ATAD1: variants seen among roughly 807,000 people sequenced by gnomAD.
ATAD1 encodes outer mitochondrial transmembrane helix translocase.
In ATAD1, 18 loss-of-function variants were observed where a neutral mutation model predicts 42.7. That is an observed-to-expected ratio of 0.42 (90% CI 0.29 to 0.63). The LOEUF is 0.63. ATAD1 is among the 20% of genes least tolerant of loss of function. ATAD1 has a pLI of 0.19. For synonymous variants in ATAD1, 132 were observed against 143.1 expected (o/e 0.92, Z 0.55); for missense variants, 294 against 440.4 (o/e 0.67, Z 2.98).
chr10:87,778,050 T>G (rs563916701), intron 5 of ATAD1, among the ~76,000 whole-genome samples: 24 of 151,980 alleles, frequency 1.6e-4, no homozygotes, highest in African/African-American at 4.8e-5. Flanking sequence ...CTTCACTAAG[T>G]GGTTTTGGCA....
chr10:87,839,087 T>G (rs1340657884), intron 1 of ATAD1, among the ~76,000 whole-genome samples: 1 of 152,204 alleles, frequency 6.6e-6, no homozygotes, highest in South Asian at 2.1e-4. Context: ...TAGCTGAATT[T>G]CTAGACAGAA....
chr10:87,817,954 C>A (rs1251706078), intron 1 of ATAD1: 21 of 985,496 alleles, frequency 2.1e-5, no homozygotes, highest in Non-Finnish European at 2.4e-5. Flanking sequence ...CCAGGCCGGG[C>A]CGGACGCCAA....
chr10:87,825,091 TA>T (rs1857700757), intron 1 of ATAD1, among the ~76,000 whole-genome samples: 1 of 152,316 alleles, frequency 6.6e-6, no homozygotes, highest in East Asian at 1.9e-4. Flanking sequence ...AAACATCTTA[TA>T]AAAATGCAAG....
At chr10:87,764,932 G>A (rs935394121) in intron 8 of ATAD1, among the ~76,000 whole-genome samples, 1 of 152,074 alleles carries the variant, frequency 6.6e-6, no homozygotes, top group African/African-American at 2.4e-5. Flanking sequence ...ATACGATCTT[G>A]AGTCAAATAC....
intron 1 of ATAD1, among the ~76,000 whole-genome samples, chr10:87,841,031 T>A (rs184896300): frequency 2.0e-5 from 3 of 152,160 alleles, no homozygotes; most frequent in Admixed American, 2.0e-4. Context: ...AGTACAAAGG[T>A]ACAAAGATTT....
At chr10:87,801,458 G>A (rs1422125824) in intron 2 of ATAD1, among the ~76,000 whole-genome samples, 1 of 151,762 alleles carries the variant, frequency 6.6e-6, no homozygotes, top group Non-Finnish European at 1.5e-5. Context: ...AATGGTGTTT[G>A]GTTTTCTTGG....
At chr10:87,775,420 CAAAAAA>C (rs35200026) in intron 6 of ATAD1, among the ~76,000 whole-genome samples, 2 of 24,058 alleles carry the variant, frequency 8.3e-5, no homozygotes, top group African/African-American at 2.5e-4. Flanking sequence ...GACTCCATCT[CAAAAAA>C]AAAAAAAAAA....
At chr10:87,783,952 A>G (rs1855696148) in intron 5 of ATAD1, among the ~76,000 whole-genome samples, 1 of 152,062 alleles carries the variant, frequency 6.6e-6, no homozygotes, top group African/African-American at 2.4e-5. Flanking sequence ...AAAAAGATAG[A>G]CTAGAAAATA....
intron 2 of ATAD1, among the ~76,000 whole-genome samples, chr10:87,793,424 C>T (rs1248344394): frequency 1.3e-5 from 2 of 152,028 alleles, no homozygotes; most frequent in Non-Finnish European, 2.9e-5. Flanking sequence ...ACTGAGTGTG[C>T]CAAATATTAT....
rs71022509 is a variant in ATAD1 at position 87,811,334 on chromosome 10, A to AAAAT, written c.162+3100_162+3103dup. Among the ~76,000 whole-genome samples, 217 of 149,710 alleles carry AAAAT rather than the reference A, an allele frequency of 1.4e-3. 1 individual carries two copies. Among genetic ancestry groups the AAAAT allele is most frequent in the African/African-American group, 4.2e-3 (171 of 40,716 alleles). ...TGCAACACAGCAAGACTCCAACTCAAAAATAAATAAATAAATAAATAAATA... is the reference window on the plus strand; with the variant it reads ...TGCAACACAGCAAGACTCCAACTCAAAAATAAATAAATAAATAAATAAATAAATA... On this transcript the variant is annotated intron_variant, in intron 2 of 9. Transcript: ENST00000680024.
upstream of ATAD1, among the ~76,000 whole-genome samples, chr10:87,822,035 G>A (rs1337060271): frequency 1.3e-5 from 2 of 152,224 alleles, no homozygotes; most frequent in African/African-American, 4.8e-5. Context: ...GCCTCATGAT[G>A]AGATTCAGGA....
At chr10:87,833,609 G>T (rs910249993) in intron 1 of ATAD1, among the ~76,000 whole-genome samples, 1 of 150,806 alleles carries the variant, frequency 6.6e-6, no homozygotes, top group South Asian at 2.1e-4. Flanking sequence ...TTTTGTACAT[G>T]ACCTTTATGA....
chr10:87,830,547 T>A (rs1251299344), intron 1 of ATAD1, among the ~76,000 whole-genome samples: 2 of 152,230 alleles, frequency 1.3e-5, no homozygotes, highest in East Asian at 3.8e-4. Flanking sequence ...CATGTTTAAC[T>A]GAGAATTAGC....
rs374247763 is a variant in ATAD1, at chr10:87,752,806, T to C, written c.*1881A>G. The C allele has an allele frequency of 1.3e-5, 2 of 152,304 alleles. No individual in the cohort carries two copies. The highest frequency in any genetic ancestry group is 2.4e-5 in the African/African-American group (1 of 41,570). The allele number at this position is 152,304 out of a possible 1,614,324, so 9.4% of individuals were successfully genotyped here. ...GATTAGTATACTTCTCTAACTTCATTTGATGATTAAAACCACGAAGAAATT... is the reference window on the plus strand; with the variant it reads ...GATTAGTATACTTCTCTAACTTCATCTGATGATTAAAACCACGAAGAAATT... On this transcript the variant is annotated 3_prime_UTR_variant, in exon 10 of 10. Coordinates refer to ENST00000680024, the MANE Select transcript of ATAD1 (RefSeq NM_001321967.2).
At chr10:87,840,889 A>G (rs550639546) in intron 1 of ATAD1, among the ~76,000 whole-genome samples, 5 of 152,346 alleles carry the variant, frequency 3.3e-5, no homozygotes, top group Admixed American at 3.3e-4. Flanking sequence ...TCAGGGCTAT[A>G]TTATATCCAG....
At chr10:87,802,480 C>T (rs1417782098) in intron 2 of ATAD1, among the ~76,000 whole-genome samples, 1 of 152,100 alleles carries the variant, frequency 6.6e-6, no homozygotes. Flanking sequence ...GAGATTATTT[C>T]TATGGAACAA....
chr10:87,762,534 G>A (rs771627070), intron 8 of ATAD1, among the ~76,000 whole-genome samples: 2 of 151,022 alleles, frequency 1.3e-5, no homozygotes, highest in Non-Finnish European at 2.9e-5. Context: ...GCGCGATCTC[G>A]GCTCACTGCA....
intron 2 of ATAD1, among the ~76,000 whole-genome samples, chr10:87,797,186 GTTGT>G (rs1337609950): frequency 1.3e-5 from 2 of 151,962 alleles, no homozygotes; most frequent in African/African-American, 2.4e-5. Flanking sequence ...TGGGTTTTTT[GTTGT>G]TTGTTTGTTC....
At chr10:87,794,298 G>GGGGCAA (rs1467865402) in intron 2 of ATAD1, among the ~76,000 whole-genome samples, 2 of 152,134 alleles carry the variant, frequency 1.3e-5, no homozygotes, top group East Asian at 3.8e-4. Flanking sequence ...CCCCTGTAAA[G>GGGGCAA]TCACTGAATC....
Sources: allele counts gnomAD v4.1 joint callset (sites outside exome capture counted in the v4.1 genomes callset), GRCh38; gene constraint gnomAD v4.1.1; transcripts MANE v1.5; gene names NCBI Gene and HGNC (gene_info 2026-07-23, HGNC 2026-07-21).